Variants in AGBL4 observed in about 807,000 individuals in gnomAD.
AGBL4 encodes the protein cytosolic carboxypeptidase 6.
AGBL4 carries 58 observed loss-of-function variants against 66.4 expected under a neutral mutation model. That is an observed-to-expected ratio of 0.87 (90% CI 0.71 to 1.09). The LOEUF is 1.09. AGBL4 is among the 50% of genes least tolerant of loss of function. The pLI is 0.00. For synonymous variants in AGBL4, 234 were observed against 222.9 expected (o/e 1.05, Z -0.44); for missense variants, 579 against 631.0 (o/e 0.92, Z 0.88).
chr1:49,326,025 T>C (rs1204939996), intron 3 of AGBL4, among the ~76,000 whole-genome samples: 1 of 152,150 alleles, frequency 6.6e-6, no homozygotes, highest in Non-Finnish European at 1.5e-5. Flanking sequence ...ATTAAACTTA[T>C]TTTCTTTATA....
chr1:49,579,090 T>C (rs1227789267), intron 3 of AGBL4, among the ~76,000 whole-genome samples: 1 of 152,210 alleles, frequency 6.6e-6, no homozygotes, highest in Non-Finnish European at 1.5e-5. Context: ...TTCCTGTCCT[T>C]GAACATTGGA....
At chr1:48,829,920 G>A (rs1000230500) in intron 6 of AGBL4, among the ~76,000 whole-genome samples, 23 of 152,072 alleles carry the variant, frequency 1.5e-4, no homozygotes, top group Non-Finnish European at 3.1e-4. Flanking sequence ...GTTGCAGTTA[G>A]GGGGCTGTCA....
At chr1:49,422,432 A>G (rs994452495) in intron 3 of AGBL4, among the ~76,000 whole-genome samples, 2 of 152,228 alleles carry the variant, frequency 1.3e-5, no homozygotes, top group Admixed American at 6.5e-5. Flanking sequence ...GTTCTCAACT[A>G]GGTCATGCTG....
chr1:48,623,225 C>T (rs1645444862), intron 9 of AGBL4, among the ~76,000 whole-genome samples: 1 of 152,192 alleles, frequency 6.6e-6, no homozygotes, highest in African/African-American at 2.4e-5. Context: ...TTGAAGATTA[C>T]TGTTTAGGGA....
intron 4 of AGBL4, among the ~76,000 whole-genome samples, chr1:49,130,687 A>G (rs1329441486): frequency 1.3e-5 from 2 of 152,026 alleles, no homozygotes; most frequent in Non-Finnish European, 2.9e-5. Flanking sequence ...CTGTTTTGGT[A>G]CCAGTACCAT....
At chr1:48,926,804 C>T (rs1654616001) in intron 5 of AGBL4, among the ~76,000 whole-genome samples, 1 of 152,008 alleles carries the variant, frequency 6.6e-6, no homozygotes, top group South Asian at 2.1e-4. Context: ...AGAAGTAATG[C>T]TAATAGTAGC....
intron 1 of AGBL4, among the ~76,000 whole-genome samples, chr1:49,934,338 A>G (rs1351944941): frequency 6.6e-6 from 1 of 152,178 alleles, no homozygotes; most frequent in Non-Finnish European, 1.5e-5. Context: ...GCAGCAGAAT[A>G]TAAATTCTAC....
At chr1:48,673,989 C>A (rs1462048298) in intron 6 of AGBL4, among the ~76,000 whole-genome samples, 1 of 152,194 alleles carries the variant, frequency 6.6e-6, no homozygotes, top group Non-Finnish European at 1.5e-5. Context: ...TCCCGTACTC[C>A]CAGTCCTGCA....
chr1:49,845,994 A>C, intron 2 of AGBL4: 5 of 1,589,750 alleles, frequency 3.1e-6, no homozygotes, highest in Non-Finnish European at 4.3e-6. Context: ...ACTGAGGAGA[A>C]GCCCTACAAA....
intron 2 of AGBL4, among the ~76,000 whole-genome samples, chr1:49,729,036 C>T (rs1253172609): frequency 6.6e-6 from 1 of 152,110 alleles, no homozygotes; most frequent in East Asian, 1.9e-4. Context: ...AAAGTGCACA[C>T]AATCATGAAC....
At chr1:49,911,184 T>C (rs1007966314) in intron 1 of AGBL4, among the ~76,000 whole-genome samples, 27 of 152,068 alleles carry the variant, frequency 1.8e-4, no homozygotes, top group African/African-American at 5.8e-4. Flanking sequence ...GGGAGTGGGG[T>C]TGTATAGTGC....
At chr1:48,725,301 C>T (rs918930865) in intron 6 of AGBL4, among the ~76,000 whole-genome samples, 9 of 152,130 alleles carry the variant, frequency 5.9e-5, no homozygotes, top group Admixed American at 5.2e-4. Context: ...AGCCTTATCC[C>T]AGACCTACCG....
intron 2 of AGBL4, among the ~76,000 whole-genome samples, chr1:49,806,831 C>T (rs1251537257): frequency 6.6e-6 from 1 of 152,176 alleles, no homozygotes; most frequent in East Asian, 1.9e-4. Flanking sequence ...CACCCCAAAG[C>T]TCTGTTCCCA....
At chr1:48,904,921 C>T (rs1437383213) in intron 5 of AGBL4, among the ~76,000 whole-genome samples, 4 of 31,940 alleles carry the variant, frequency 1.3e-4, no homozygotes, top group South Asian at 3.8e-3. Flanking sequence ...TAAGGCGAGA[C>T]GCTGTACAGT....
At chr1:49,751,216 G>C (rs1651431822) in intron 2 of AGBL4, among the ~76,000 whole-genome samples, 1 of 152,078 alleles carries the variant, frequency 6.6e-6, no homozygotes, top group South Asian at 2.1e-4. Flanking sequence ...ATTGGCTGTG[G>C]GTTTGTCATA....
rs79462529 is a variant in AGBL4 at position 49,620,648 on chromosome 1, G to T, written c.282+76665C>A. Among the ~76,000 whole-genome samples, 7 of 152,168 alleles carry T rather than the reference G, an allele frequency of 4.6e-5. No individual in the cohort carries two copies. In the East Asian group the frequency reaches 9.7e-4, roughly 21 times the overall value. ...TATAACCTTGGAAAAGGAAAAGTTTGCTCAGGTTCACTTTTCACACCTATA... is the reference window on the plus strand; with the variant it reads ...TATAACCTTGGAAAAGGAAAAGTTTTCTCAGGTTCACTTTTCACACCTATA... On this transcript the variant is annotated intron_variant, in intron 3 of 13. Transcript: ENST00000371839.
intron 5 of AGBL4, among the ~76,000 whole-genome samples, chr1:48,955,223 T>C (rs1657337086): frequency 2.0e-5 from 3 of 152,168 alleles, no homozygotes; most frequent in South Asian, 4.1e-4. Flanking sequence ...AACGTCTGAG[T>C]TGGGAGGGAT....
intron 6 of AGBL4, among the ~76,000 whole-genome samples, chr1:48,669,003 C>A (rs1646234156): frequency 6.6e-6 from 1 of 152,070 alleles, no homozygotes; most frequent in Admixed American, 6.6e-5. Context: ...ATGGGTGGAT[C>A]CAACAAGAGG....
intron 5 of AGBL4, among the ~76,000 whole-genome samples, chr1:48,895,941 C>T (rs937768583): frequency 1.3e-5 from 2 of 152,106 alleles, no homozygotes; most frequent in Non-Finnish European, 2.9e-5. Flanking sequence ...CATTTGGGAC[C>T]GGTTTTACTA....
Sources: allele counts gnomAD v4.1 joint callset (sites outside exome capture counted in the v4.1 genomes callset), GRCh38; gene constraint gnomAD v4.1.1; transcripts MANE v1.5; gene names NCBI Gene and HGNC (gene_info 2026-07-23, HGNC 2026-07-21).